AP4S1: variants seen among roughly 807,000 people sequenced by gnomAD.
The protein encoded by AP4S1 is adaptor related protein complex 4 subunit sigma 1.
AP4S1 carries 23 observed loss-of-function variants against 19.8 expected under a neutral mutation model. The ratio of observed to expected loss-of-function variants is 1.16; its 90% confidence interval spans 0.84 to 1.65. AP4S1 has a LOEUF of 1.65. AP4S1 is among the 40% of genes most tolerant of loss of function. The pLI, the probability that AP4S1 is intolerant of heterozygous loss-of-function variation, is 0.00. For synonymous variants in AP4S1, 46 were observed against 54.1 expected, an observed-to-expected ratio of 0.85 and a Z score of 0.66; for missense variants, 166 against 172.8, an observed-to-expected ratio of 0.96 and a Z score of 0.22.
At chr14:31,052,971 G>A (rs1413577005) in intron 1 of AP4S1, among the ~76,000 whole-genome samples, 4 of 104,586 alleles carry the variant, frequency 3.8e-5, no homozygotes, top group Non-Finnish European at 5.6e-5. Flanking sequence ...ATGGAGTTTC[G>A]CTTTTGTTGC....
At chr14:31,069,648 TC>T (rs1437711194) in intron 2 of AP4S1, among the ~76,000 whole-genome samples, 194 bp from the exon 3 acceptor site, 1 of 152,214 alleles carries the variant, frequency 6.6e-6, no homozygotes, top group Non-Finnish European at 1.5e-5. Context: ...CCAATACTTC[TC>T]CAGTTTCCAC....
intron 1 of AP4S1, among the ~76,000 whole-genome samples, chr14:31,053,589 C>CTTTTTTTTTTTTTTT (rs758966011): frequency 2.8e-5 from 2 of 71,110 alleles, no homozygotes; most frequent in Non-Finnish European, 2.4e-5. Flanking sequence ...TGACTTTTTT[C>CTTTTTTTTTTTTTTT]TTTTTTTTTT....
At chr14:31,048,995 T>G (rs2139484209) in intron 1 of AP4S1, among the ~76,000 whole-genome samples, 1 of 152,086 alleles carries the variant, frequency 6.6e-6, no homozygotes, top group Middle Eastern at 3.4e-3. Flanking sequence ...GGCTCACGCC[T>G]GTAATCCCAG....
At chr14:31,070,880 G>A (rs549404393) in intron 3 of AP4S1, among the ~76,000 whole-genome samples, 25 of 152,170 alleles carry the variant, frequency 1.6e-4, no homozygotes, top group Non-Finnish European at 2.4e-4. Flanking sequence ...GTGAAACCCC[G>A]TCTCTACTAA....
chr14:31,037,495 A>G (rs1884851172), intron 1 of AP4S1, among the ~76,000 whole-genome samples: 1 of 152,104 alleles, frequency 6.6e-6, no homozygotes. Flanking sequence ...CTAAAGTGAT[A>G]TATTGTAGCC....
At chr14:31,045,025 C>T (rs746778756) in intron 1 of AP4S1, among the ~76,000 whole-genome samples, 28 of 151,930 alleles carry the variant, frequency 1.8e-4, no homozygotes, top group Non-Finnish European at 3.7e-4. Context: ...CCTCAGCCCC[C>T]CAAGTAGCTG....
chr14:31,074,488 C>A (rs1180969683), intron 4 of AP4S1, among the ~76,000 whole-genome samples: 1 of 152,064 alleles, frequency 6.6e-6, no homozygotes, highest in African/African-American at 2.4e-5. Context: ...CTGTCTCCAT[C>A]CTGGCTATCA....
At chr14:31,053,226 C>T (rs1439553936) in intron 1 of AP4S1, among the ~76,000 whole-genome samples, 1 of 152,026 alleles carries the variant, frequency 6.6e-6, no homozygotes, top group Non-Finnish European at 1.5e-5. Context: ...CAGGCATGAG[C>T]CACCGCGTCC....
chr14:31,075,034 C>T (rs905849215), intron 4 of AP4S1, among the ~76,000 whole-genome samples: 1 of 152,142 alleles, frequency 6.6e-6, no homozygotes, highest in African/African-American at 2.4e-5. Context: ...ATGCTAGGAA[C>T]ATTTGAATTA....
chr14:31,068,273 A>T (rs1423430617), intron 2 of AP4S1, among the ~76,000 whole-genome samples: 1 of 152,262 alleles, frequency 6.6e-6, no homozygotes, highest in East Asian at 1.9e-4. Context: ...GGAAAATCAG[A>T]AAACTTGTTT....
chr14:31,071,751 C>G (rs1398330501), intron 3 of AP4S1, among the ~76,000 whole-genome samples: 2 of 151,836 alleles, frequency 1.3e-5, no homozygotes, highest in Non-Finnish European at 1.5e-5. Flanking sequence ...TCTCCATCAC[C>G]CAGGCTAGAA....
intron 1 of AP4S1, among the ~76,000 whole-genome samples, chr14:31,061,096 G>A (rs192594232): frequency 3.6e-4 from 55 of 152,220 alleles, no homozygotes; most frequent in Non-Finnish European, 6.2e-4. Context: ...TCACCATGAG[G>A]TCTGGAACTC....
intron 1 of AP4S1, among the ~76,000 whole-genome samples, chr14:31,065,640 T>C (rs975249013): frequency 6.6e-6 from 1 of 152,190 alleles, no homozygotes; most frequent in Non-Finnish European, 1.5e-5. Flanking sequence ...CATTGGTTTT[T>C]ATTTTTTTAT....
intron 1 of AP4S1, among the ~76,000 whole-genome samples, chr14:31,045,579 G>A (rs1356790986): frequency 6.6e-6 from 1 of 152,166 alleles, no homozygotes; most frequent in Non-Finnish European, 1.5e-5. Context: ...CAGCCATGCT[G>A]AACTGTGAAT....
chr14:31,084,364 C>G (rs1042267312), intron 5 of AP4S1, among the ~76,000 whole-genome samples: 2 of 152,218 alleles, frequency 1.3e-5, no homozygotes, highest in Admixed American at 6.5e-5. Flanking sequence ...TGGAAAAATA[C>G]AGTACACCGT....
At chr14:31,083,409 A>T (rs937081824) in intron 5 of AP4S1, 5 of 444,350 alleles carry the variant, frequency 1.1e-5, no homozygotes, top group African/African-American at 8.3e-5. Flanking sequence ...TCTTTGCTCC[A>T]GGTTTGATCT....
chr14:31,038,029 C>T (rs1884881316), intron 1 of AP4S1, among the ~76,000 whole-genome samples: 1 of 152,180 alleles, frequency 6.6e-6, no homozygotes, highest in Admixed American at 6.5e-5. Flanking sequence ...TTCAAAATAA[C>T]ATAAAGTGCT....
intron 4 of AP4S1, chr14:31,073,185 GAAAA>G: frequency 4.8e-6 from 2 of 415,550 alleles, no homozygotes; most frequent in Admixed American, 3.8e-5. Flanking sequence ...TAAAGAACTG[GAAAA>G]AAAAAAAAAA....
intron 1 of AP4S1, among the ~76,000 whole-genome samples, chr14:31,043,234 A>G (rs1037075623): frequency 1.3e-5 from 2 of 151,912 alleles, no homozygotes; most frequent in African/African-American, 2.4e-5. Flanking sequence ...AGAAAAAAAA[A>G]AAAGAAAGCA....
Sources: gnomAD v4.1 joint callset for allele counts (sites outside exome capture counted in the v4.1 genomes callset) on GRCh38, gnomAD v4.1.1 for gene constraint, MANE v1.5 for transcripts, NCBI Gene and HGNC (gene_info 2026-07-23, HGNC 2026-07-21) for gene names.